Variants in PTPRF observed in about 807,000 individuals in gnomAD.
PTPRF encodes the protein receptor-type tyrosine-protein phosphatase F.
Under a neutral mutation model 201.8 loss-of-function variants are expected in PTPRF, and 59 were observed. That is an observed-to-expected ratio of 0.29 (90% CI 0.24 to 0.36). The LOEUF (loss-of-function observed/expected upper bound fraction) is 0.36, where lower values mean the gene tolerates loss of function less well. Among genes scored for constraint, PTPRF ranks in the 10% least tolerant of loss-of-function variants. PTPRF has a pLI of 1.00. For missense variants in PTPRF, 2,132 were observed against 2,690.5 expected, an observed-to-expected ratio of 0.79 and a Z score of 4.59; for synonymous variants, 1,088 against 1,089.7, an observed-to-expected ratio of 1.00 and a Z score of 0.03.
At chr1:43,569,003 G>A (rs1646378900) in intron 5 of PTPRF, among the ~76,000 whole-genome samples, 1 of 152,246 alleles carries the variant, frequency 6.6e-6, no homozygotes. Flanking sequence ...AATAGGTCAA[G>A]GTCAGGATCG....
chr1:43,619,659 C>A, intron 28 of PTPRF, 21 bp from the exon 29 acceptor site: 1 of 1,613,148 alleles, frequency 6.2e-7, no homozygotes, highest in Non-Finnish European at 8.5e-7. Context: ...CCTGGCCTGA[C>A]CAATCCCTGC....
At chr1:43,535,945 A>AT (rs1052306103) in intron 1 of PTPRF, among the ~76,000 whole-genome samples, 91 of 151,912 alleles carry the variant, frequency 6.0e-4, no homozygotes, top group African/African-American at 2.1e-3. Flanking sequence ...TAATTTTTGT[A>AT]TTTTTTTAGA....
At position 43,618,619 on chromosome 1, in the gene PTPRF, T is replaced by C. The variant is rs753445869; in HGVS notation, c.4372-11T>C. Reference sequence around the variant, plus strand: ...GGCTTCCTTCAGCCTGCCCTGCTCATCCTCCTGCAGGTAAAATGTGATCAG... The same window carrying C: ...GGCTTCCTTCAGCCTGCCCTGCTCACCCTCCTGCAGGTAAAATGTGATCAG... On this transcript the variant is annotated splice_polypyrimidine_tract_variant and intron_variant, in intron 25 of 33. Transcript: ENST00000359947. 5.0e-6 allele frequency: 8 copies of C among 1,589,098 alleles called. No homozygotes were observed. Among genetic ancestry groups the C allele is most frequent in the Non-Finnish European group, 6.9e-6 (8 of 1,160,748 alleles).
chr1:43,617,999 C>T (rs1352115475), intron 25 of PTPRF, 88 bp downstream of exon 25: 3 of 1,390,252 alleles, frequency 2.2e-6, no homozygotes, highest in Non-Finnish European at 2.9e-6. Flanking sequence ...CCGCTTTCTT[C>T]TGTGGAGGAA....
chr1:43,562,778 G>C (rs149706033), intron 5 of PTPRF, among the ~76,000 whole-genome samples: 1 of 152,146 alleles, frequency 6.6e-6, no homozygotes, highest in Non-Finnish European at 1.5e-5. Context: ...GGTGCATAGT[G>C]GGGGCTGGAA....
chr1:43,612,727 C>T (rs771212278), intron 22 of PTPRF: 19 of 1,351,382 alleles, frequency 1.4e-5, no homozygotes, highest in Admixed American at 1.4e-4. Flanking sequence ...TTTCTTGCCC[C>T]GTTGTTTTTT....
At chr1:43,522,250 A>C (rs973983532), upstream of PTPRF, among the ~76,000 whole-genome samples, 1 of 152,200 alleles carries the variant, frequency 6.6e-6, no homozygotes, top group Non-Finnish European at 1.5e-5. Context: ...CAGCCACGCA[A>C]ATATCTGGGA....
intron 11 of PTPRF, among the ~76,000 whole-genome samples, chr1:43,594,467 T>C (rs1651746946): frequency 6.6e-6 from 1 of 151,662 alleles, no homozygotes; most frequent in Admixed American, 6.6e-5. Context: ...AGTCAGGGCC[T>C]TGGGGACACA....
chr1:43,623,531 C>G lies in PTPRF; in HGVS notation c.*1528C>G, dbSNP rs983193555. On this transcript the variant is annotated 3_prime_UTR_variant, in exon 34 of 34. Coordinates refer to ENST00000359947, the MANE Select transcript of PTPRF (RefSeq NM_002840.5). ...TGGTAATGTTGGATGATGAAACATT[C>G]ATTTTTACCTTGTGGATGCTAGTGC... 6.5e-5 allele frequency: 10 copies of G among 152,778 alleles called. No individual in the cohort carries two copies. The highest frequency in any genetic ancestry group is 2.4e-4 in the African/African-American group (10 of 41,588). The allele number at this position is 152,778 out of a possible 1,614,324, so 9.5% of individuals were successfully genotyped here.
chr1:43,523,001 G>A (rs537985790), upstream of PTPRF, among the ~76,000 whole-genome samples: 7 of 152,350 alleles, frequency 4.6e-5, no homozygotes, highest in Non-Finnish European at 1.0e-4. Flanking sequence ...AGGCGCTGCA[G>A]AGGTCCAGAT....
intron 12 of PTPRF, 43 bp from the exon 13 acceptor site, chr1:43,598,677 T>G: frequency 6.3e-6 from 10 of 1,577,968 alleles, no homozygotes; most frequent in Non-Finnish European, 8.7e-6. Context: ...GAGCTAGGGT[T>G]GATACCTCCA....
At chr1:43,590,523 G>A (rs1170049374) in intron 8 of PTPRF, among the ~76,000 whole-genome samples, 3 of 152,166 alleles carry the variant, frequency 2.0e-5, no homozygotes, top group African/African-American at 7.2e-5. Flanking sequence ...TTCTATCCGG[G>A]CCAGTCCCTA....
intron 6 of PTPRF, among the ~76,000 whole-genome samples, chr1:43,572,014 G>A (rs3001723): frequency 0.4 from 61,014 of 152,076 alleles, 13,498 homozygotes; most frequent in African/African-American, 0.57. Context: ...TACTTTCTGT[G>A]CCCTTGACCC....
At chr1:43,618,321 T>C (rs745519657) in intron 25 of PTPRF, among the ~76,000 whole-genome samples, 2 of 152,142 alleles carry the variant, frequency 1.3e-5, no homozygotes, top group Non-Finnish European at 2.9e-5. Context: ...AACGTAAAAT[T>C]TACAGAGCTT....
chr1:43,583,230 C>A, intron 7 of PTPRF: 2 of 586,786 alleles, frequency 3.4e-6, no homozygotes, highest in Non-Finnish European at 4.3e-6. Flanking sequence ...TTGTTTGGGC[C>A]GGCGGGCAGG....
Position 43,620,135 on chromosome 1 carries a change from G to A in PTPRF, c.5152G>A (p.Glu1718Lys). ...AYIATQGPLA[E>K]STEDFWRMLW... ...CATAGCTACACAGGGGCCTCTGGCAGAGAGCACCGAGGACTTCTGGCGCAT... is the reference window on the plus strand; with the variant it reads ...CATAGCTACACAGGGGCCTCTGGCAAAGAGCACCGAGGACTTCTGGCGCAT... Residue 1718 changes from glutamate (E) to lysine (K), a missense_variant, in exon 30 of 34, where the codon GAG (glutamate) becomes AAG (lysine). Physicochemically the swap from Glu to Lys is moderately conservative, Grantham distance 56. Coordinates refer to ENST00000359947, the MANE Select transcript of PTPRF (RefSeq NM_002840.5). 1 of 1,614,134 alleles carries A rather than the reference G, an allele frequency of 6.2e-7. No individual in the cohort carries two copies. Among genetic ancestry groups the A allele is most frequent in the Non-Finnish European group, 8.5e-7 (1 of 1,179,990 alleles).
chr1:43,600,346 G>A (rs1459912975), intron 13 of PTPRF, among the ~76,000 whole-genome samples: 1 of 152,168 alleles, frequency 6.6e-6, no homozygotes, highest in East Asian at 1.9e-4. Context: ...AGGTTCGGAA[G>A]GGAGCTGGGC....
chr1:43,604,354 A>G (rs1654527742), intron 16 of PTPRF, among the ~76,000 whole-genome samples, 165 bp downstream of exon 16: 1 of 152,070 alleles, frequency 6.6e-6, no homozygotes, highest in African/African-American at 2.4e-5. Flanking sequence ...TGGGCACCAC[A>G]TTCTTGATGC....
intron 5 of PTPRF, among the ~76,000 whole-genome samples, chr1:43,561,823 C>A (rs1235642649): frequency 6.6e-6 from 1 of 152,156 alleles, no homozygotes; most frequent in Non-Finnish European, 1.5e-5. Context: ...AAGTGGATTC[C>A]CTTCCGAATG....
Sources: gnomAD v4.1 joint callset for allele counts (sites outside exome capture counted in the v4.1 genomes callset) on GRCh38, gnomAD v4.1.1 for gene constraint, MANE v1.5 for transcripts, NCBI Gene and HGNC (gene_info 2026-07-23, HGNC 2026-07-21) for gene names.